DRC9: variants seen among roughly 807,000 people sequenced by gnomAD.
DRC9 encodes dynein regulatory complex protein 9.
chr3:197,892,170 G>T, the DRC9 span, among the ~76,000 whole-genome samples: 1 of 152,212 alleles, frequency 6.6e-6, no homozygotes, highest in South Asian at 2.1e-4. Flanking sequence ...GATTATAGGC[G>T]TTAGCCACCA....
chr3:197,944,869 C>A, the DRC9 span, among the ~76,000 whole-genome samples: 1 of 152,224 alleles, frequency 6.6e-6, no homozygotes, highest in Non-Finnish European at 1.5e-5. Flanking sequence ...GCGTGAGCCA[C>A]CGCGCCTGGC....
chr3:197,892,780 A>G, the DRC9 span: 3 of 1,613,806 alleles, frequency 1.9e-6, no homozygotes, highest in South Asian at 2.2e-5. Flanking sequence ...AGAACATGAA[A>G]ACATGGCATT....
chr3:197,949,162 G>A, the DRC9 span, among the ~76,000 whole-genome samples: 2 of 152,058 alleles, frequency 1.3e-5, no homozygotes, highest in Admixed American at 1.3e-4. Context: ...GTGTTGCTCC[G>A]CCTCGTAGGA....
chr3:197,911,301 A>G, the DRC9 span, among the ~76,000 whole-genome samples: 1 of 152,222 alleles, frequency 6.6e-6, no homozygotes, highest in Non-Finnish European at 1.5e-5. Flanking sequence ...CAGATTCGAG[A>G]GTATTAGCAA....
the DRC9 span, chr3:197,943,910 C>A: frequency 6.2e-7 from 1 of 1,614,086 alleles, no homozygotes; most frequent in Non-Finnish European, 8.5e-7. Context: ...CTAGAGTTTC[C>A]GGGATTTCTG....
At chr3:197,950,240 G>A in the DRC9 span, 4 of 1,230,764 alleles carry the variant, frequency 3.3e-6, no homozygotes, top group Non-Finnish European at 4.0e-6. Flanking sequence ...AGGGTCTGCT[G>A]CTGAAATTTG....
the DRC9 span, chr3:197,953,904 TG>T: frequency 8.5e-7 from 1 of 1,175,598 alleles, no homozygotes; most frequent in Non-Finnish European, 1.3e-6. Flanking sequence ...GGTGATGAAG[TG>T]GGTAACCAGG....
the DRC9 span, among the ~76,000 whole-genome samples, chr3:197,933,545 T>C: frequency 6.6e-6 from 1 of 152,148 alleles, no homozygotes; most frequent in Non-Finnish European, 1.5e-5. Flanking sequence ...ATTTCAAAAA[T>C]TCAGAAAGTA....
the DRC9 span, chr3:197,953,525 G>T: frequency 7.2e-5 from 33 of 456,886 alleles, no homozygotes; most frequent in South Asian, 5.0e-4. Context: ...TCTTTCTTCC[G>T]GCCAGGACAC....
At chr3:197,924,424 G>T in the DRC9 span, among the ~76,000 whole-genome samples, 1 of 152,218 alleles carries the variant, frequency 6.6e-6, no homozygotes, top group African/African-American at 2.4e-5. Context: ...GTTTTCCAAC[G>T]TCTATGTAGG....
the DRC9 span, among the ~76,000 whole-genome samples, chr3:197,893,366 A>AC: frequency 6.6e-6 from 1 of 150,940 alleles, no homozygotes; most frequent in African/African-American, 2.4e-5. Context: ...TCAAAAAAAA[A>AC]AAAAAAAAAA....
the DRC9 span, chr3:197,943,756 C>T: frequency 6.3e-7 from 1 of 1,593,872 alleles, no homozygotes; most frequent in Non-Finnish European, 8.6e-7. Flanking sequence ...GCAAAATTAA[C>T]TCATGGTGAG....
At chr3:197,951,691 G>A in the DRC9 span, 1 of 240,224 alleles carries the variant, frequency 4.2e-6, no homozygotes, top group South Asian at 4.8e-5. Flanking sequence ...AGATTTAGCT[G>A]AAGTACTTGG....
the DRC9 span, among the ~76,000 whole-genome samples, chr3:197,934,477 G>T: frequency 2.0e-5 from 3 of 152,012 alleles, no homozygotes; most frequent in Non-Finnish European, 4.4e-5. Context: ...GAGCCACGGC[G>T]CCCGGCCAAA....
the DRC9 span, among the ~76,000 whole-genome samples, chr3:197,929,014 T>C: frequency 0.4 from 60,242 of 152,002 alleles, 16,553 homozygotes; most frequent in African/African-American, 0.79. This position sits in a 1 kb window ranked among gnomAD's most constrained non-coding sequence, Gnocchi z 4.6. Context: ...AGCTGCCTTT[T>C]CTCCTCTCGG....
chr3:197,935,578 G>A, the DRC9 span, among the ~76,000 whole-genome samples: 11 of 152,026 alleles, frequency 7.2e-5, no homozygotes, highest in African/African-American at 1.4e-4. Flanking sequence ...CAACCTCCCC[G>A]GCTTGAGTGG....
chr3:197,945,525 C>G, the DRC9 span: 1 of 784,098 alleles, frequency 1.3e-6, no homozygotes, highest in African/African-American at 1.7e-5. Flanking sequence ...CTGGGGTAAT[C>G]TGTTACGCAG....
chr3:197,911,479 A>G, the DRC9 span, among the ~76,000 whole-genome samples: 1 of 152,224 alleles, frequency 6.6e-6, no homozygotes, highest in Non-Finnish European at 1.5e-5. Flanking sequence ...ATAAAAAAAA[A>G]GTGTAACAAA....
At chr3:197,927,191 G>A in the DRC9 span, among the ~76,000 whole-genome samples, 1 of 152,048 alleles carries the variant, frequency 6.6e-6, no homozygotes, top group Non-Finnish European at 1.5e-5. Context: ...CTGCAGCTAG[G>A]TAAAGATTTT....
Sources: allele counts gnomAD v4.1 joint callset (sites outside exome capture counted in the v4.1 genomes callset), GRCh38; gene constraint gnomAD v4.1.1; non-coding constraint Gnocchi (gnomAD v3.1); transcripts MANE v1.5; gene names NCBI Gene and HGNC (gene_info 2026-07-23, HGNC 2026-07-21).